GRAMD1B: variants seen among roughly 807,000 people sequenced by gnomAD.
GRAMD1B encodes the protein GRAM domain containing 1B.
In GRAMD1B, 37 loss-of-function variants were observed where a neutral mutation model predicts 99.7. The observed-to-expected ratio is 0.37, with a 90% CI of 0.29 to 0.49. GRAMD1B has a LOEUF of 0.49. Ranked by LOEUF, GRAMD1B falls within the 20% of genes least tolerant of loss-of-function variation. The probability of loss-of-function intolerance (pLI) is 0.98; values close to 1 mark genes in which losing one functional copy is unlikely to be tolerated. For missense variants in GRAMD1B, 888 were observed against 1,009.2 expected (o/e 0.88, Z 1.63); for synonymous variants, 427 against 387.6 (o/e 1.10, Z -1.19).
chr11:123,377,215 C>T (rs1419161367), intron 1 of GRAMD1B, among the ~76,000 whole-genome samples: 1 of 152,194 alleles, frequency 6.6e-6, no homozygotes, highest in Non-Finnish European at 1.5e-5. Context: ...ATCTTGGGAG[C>T]ATCTCCTCTT....
chr11:123,470,955 T>C (rs553922600), intron 1 of GRAMD1B, among the ~76,000 whole-genome samples: 5 of 152,332 alleles, frequency 3.3e-5, no homozygotes, highest in African/African-American at 1.2e-4. Context: ...CATATGGATG[T>C]TGAGTACTTG....
intron 2 of GRAMD1B, among the ~76,000 whole-genome samples, chr11:123,518,804 C>T (rs757618415): frequency 2.0e-5 from 3 of 152,182 alleles, no homozygotes; most frequent in Non-Finnish European, 4.4e-5. Context: ...GTCTTGCTTC[C>T]TCCCCTTCCT....
At chr11:123,494,475 G>C (rs535958394) in intron 2 of GRAMD1B, among the ~76,000 whole-genome samples, 2 of 149,870 alleles carry the variant, frequency 1.3e-5, no homozygotes, top group East Asian at 4.0e-4. Context: ...GCAGGGCAAA[G>C]AAGCAAGTGA....
chr11:123,545,549 C>T (rs1244487923), intron 2 of GRAMD1B, among the ~76,000 whole-genome samples: 1 of 152,146 alleles, frequency 6.6e-6, no homozygotes, highest in Non-Finnish European at 1.5e-5. Flanking sequence ...TGAATCCTAG[C>T]CCCACCAGCT....
Position 123,384,971 on chromosome 11 carries a change from C to T in GRAMD1B, c.-176+26172C>T, listed in dbSNP as rs896396159. ...TTTGTTTACAAAAACACACATCCCA[C>T]GGGTCATAATTTGCAGAACCCTACT... On this transcript the variant is annotated intron_variant, in intron 1 of 20. Coordinates refer to the GRAMD1B transcript ENST00000638157. Among the ~76,000 whole-genome samples, 9 of 152,348 alleles carry T rather than the reference C, an allele frequency of 5.9e-5. 1 individual carries two copies. Among genetic ancestry groups the T allele is most frequent in the East Asian group, 3.9e-4 (2 of 5,186 alleles).
chr11:123,370,311 A>G (rs989656665), intron 1 of GRAMD1B, among the ~76,000 whole-genome samples: 6 of 148,332 alleles, frequency 4.0e-5, no homozygotes, highest in African/African-American at 1.2e-4. Flanking sequence ...GCGAGACTCC[A>G]TCTAAAAAAA....
intron 2 of GRAMD1B, among the ~76,000 whole-genome samples, chr11:123,561,355 A>T (rs1946748178): frequency 6.6e-6 from 1 of 152,192 alleles, no homozygotes; most frequent in African/African-American, 2.4e-5. Context: ...TCCCACAGGG[A>T]GAGGGCCATG....
At chr11:123,377,483 T>C (rs942541437) in intron 1 of GRAMD1B, among the ~76,000 whole-genome samples, 1 of 152,072 alleles carries the variant, frequency 6.6e-6, no homozygotes. Flanking sequence ...AACTCAGTAG[T>C]AACATCACCA....
intron 13 of GRAMD1B, 84 bp downstream of exon 13, chr11:123,609,997 G>A: frequency 1.1e-6 from 1 of 912,624 alleles, no homozygotes; most frequent in Non-Finnish European, 1.7e-6. Flanking sequence ...ATGTCAGGAA[G>A]AAGTTTCAGG....
intron 2 of GRAMD1B, among the ~76,000 whole-genome samples, chr11:123,497,827 G>A (rs964543720): frequency 4.0e-4 from 60 of 151,234 alleles, no homozygotes; most frequent in Admixed American, 1.3e-4. Flanking sequence ...CTTGAACCCG[G>A]GAGGCAGAGG....
intron 4 of GRAMD1B, among the ~76,000 whole-genome samples, chr11:123,585,032 C>T (rs1222621485): frequency 6.6e-6 from 1 of 152,234 alleles, no homozygotes; most frequent in Non-Finnish European, 1.5e-5. Context: ...AGGCTCTCAG[C>T]TGGCCCCCGC....
rs940290191 is a variant in GRAMD1B, at chr11:123,583,094, CTGTGTGTATATG to C, written c.664-1201_664-1190del. On this transcript the variant is annotated intron_variant, in intron 3 of 19. Coordinates refer to ENST00000635736, the MANE Select transcript of GRAMD1B (RefSeq NM_001387025.1). ...TGTGTCTCTGTGTGTATGTATGTGC[CTGTGTGTATATG>C]TGTGTGTATATGTGTGGTGTGTGTG... is the stretch of plus-strand genomic sequence containing the variant. 1.3e-4 allele frequency among the ~76,000 whole-genome samples: 19 copies of C among 151,094 alleles called. No homozygotes were observed. The South Asian group carries it at 1.3e-3, about 10-fold the overall frequency.
chr11:123,403,163 G>A (rs976229267), intron 1 of GRAMD1B, among the ~76,000 whole-genome samples: 1 of 151,944 alleles, frequency 6.6e-6, no homozygotes, highest in African/African-American at 2.4e-5. Flanking sequence ...GGAGGCTCAC[G>A]CCTGTAATCC....
At chr11:123,611,602 A>G (rs556675341) in intron 14 of GRAMD1B, among the ~76,000 whole-genome samples, 2 of 151,554 alleles carry the variant, frequency 1.3e-5, no homozygotes, top group South Asian at 2.1e-4. Flanking sequence ...CCTTTCCTCC[A>G]CAGTGCCTAG....
In GRAMD1B at chr11:123,437,427, C is replaced by T. The variant is rs148550353; in HGVS notation, c.374+6261C>T. ...TGGAGGGGGAAGGGAAAGCTGACGA[C>T]GGGTGAGTGAGTTGGGTGGTGGCCA... On this transcript the variant is annotated intron_variant, in intron 1 of 19. Coordinates refer to ENST00000635736, the MANE Select transcript of GRAMD1B (RefSeq NM_001387025.1). Among the ~76,000 whole-genome samples the T allele has an allele frequency of 3.3e-5, 5 of 152,280 alleles. No homozygotes were observed. In the East Asian group the frequency reaches 7.7e-4, roughly 23 times the overall value.
At chr11:123,548,341 C>CATATAT (rs1177104031) in intron 2 of GRAMD1B, among the ~76,000 whole-genome samples, 2 of 114,792 alleles carry the variant, frequency 1.7e-5, no homozygotes, top group Admixed American at 9.4e-5. Context: ...CACACACACA[C>CATATAT]ACACACACAT....
At chr11:123,376,621 T>C (rs184052898) in intron 1 of GRAMD1B, among the ~76,000 whole-genome samples, 198 of 152,328 alleles carry the variant, frequency 1.3e-3, no homozygotes, top group African/African-American at 4.6e-3. Flanking sequence ...TCTAGTTCCA[T>C]CTATCCCTAA....
At chr11:123,569,198 A>G (rs143980136) in intron 2 of GRAMD1B, among the ~76,000 whole-genome samples, 2 of 152,174 alleles carry the variant, frequency 1.3e-5, no homozygotes, top group African/African-American at 4.8e-5. Context: ...GAACCAGTCA[A>G]ATCTTCTGGG....
chr11:123,440,596 T>C (rs988786343), intron 1 of GRAMD1B, among the ~76,000 whole-genome samples: 1 of 152,232 alleles, frequency 6.6e-6, no homozygotes, highest in African/African-American at 2.4e-5. Flanking sequence ...GAAAACATAA[T>C]TTTATCATGT....
Sources: gnomAD v4.1 joint callset for allele counts (sites outside exome capture counted in the v4.1 genomes callset) on GRCh38, gnomAD v4.1.1 for gene constraint, MANE v1.5 for transcripts, NCBI Gene and HGNC (gene_info 2026-07-23, HGNC 2026-07-21) for gene names.